EPB41L5: variants seen among roughly 807,000 people sequenced by gnomAD.
EPB41L5 encodes erythrocyte membrane protein band 4.1 like 5.
Under a neutral mutation model 106.6 loss-of-function variants are expected in EPB41L5, and 55 were observed. The ratio of observed to expected loss-of-function variants is 0.52; its 90% CI spans 0.42 to 0.65. EPB41L5 has a LOEUF of 0.65. EPB41L5 is among the 30% of genes least tolerant of loss of function. EPB41L5 has a pLI of 0.00. For missense variants in EPB41L5, 871 were observed against 882.1 expected (o/e 0.99, Z 0.16); for synonymous variants, 297 against 306.7 (o/e 0.97, Z 0.33).
intron 22 of EPB41L5, among the ~76,000 whole-genome samples, chr2:120,166,351 G>C (rs1687407323): frequency 6.6e-6 from 1 of 152,152 alleles, no homozygotes; most frequent in Admixed American, 6.5e-5. Flanking sequence ...GTGTGGAAAA[G>C]TCTGTCAAAC....
At position 120,077,101 on chromosome 2, in the gene EPB41L5, G is replaced by T. The variant is rs766306933; in HGVS notation, c.626+10G>T. 6.2e-7 allele frequency: 1 copy of T among 1,607,208 alleles called. No homozygotes were observed. The highest frequency in any genetic ancestry group is 1.1e-5 in the South Asian group (1 of 89,118). Reference sequence around the variant, plus strand: ...AATGGAAGGAATACAGGTATCTGGCGTTTGACCATACTTTCTTTAAAATCA... The same window carrying T: ...AATGGAAGGAATACAGGTATCTGGCTTTTGACCATACTTTCTTTAAAATCA... On this transcript the variant is annotated intron_variant, in intron 8 of 24. Coordinates refer to ENST00000263713, the MANE Select transcript of EPB41L5 (RefSeq NM_020909.4).
At chr2:120,100,952 A>G (rs1286951974) in intron 16 of EPB41L5, 138 bp downstream of exon 16, 2 of 624,862 alleles carry the variant, frequency 3.2e-6, no homozygotes, top group African/African-American at 1.9e-5. Flanking sequence ...TTATTATTAA[A>G]TAATCATATT....
chr2:120,161,200 A>AGTGAG (rs1687129138), intron 21 of EPB41L5, among the ~76,000 whole-genome samples: 1 of 152,118 alleles, frequency 6.6e-6, no homozygotes, highest in Non-Finnish European at 1.5e-5. Flanking sequence ...CAACATGGCA[A>AGTGAG]AACCTGTCTC....
At chr2:120,154,712 G>A (rs1686828806) in intron 20 of EPB41L5, among the ~76,000 whole-genome samples, 1 of 151,858 alleles carries the variant, frequency 6.6e-6, no homozygotes, top group African/African-American at 2.4e-5. Context: ...AGATCACGAG[G>A]TCAGGAGATC....
At chr2:120,084,632 TGTG>T (rs1235875591) in intron 10 of EPB41L5, among the ~76,000 whole-genome samples, 1 of 152,164 alleles carries the variant, frequency 6.6e-6, no homozygotes, top group Non-Finnish European at 1.5e-5. Context: ...GGAGTATCTT[TGTG>T]GTGTTCTCTG....
At chr2:120,051,676 C>G (rs1680297541) in intron 3 of EPB41L5, among the ~76,000 whole-genome samples, 1 of 152,224 alleles carries the variant, frequency 6.6e-6, no homozygotes, top group South Asian at 2.1e-4. Context: ...TGCTTTGGCT[C>G]TTGCTCAGTG....
At chr2:120,166,252 G>C (rs1376731623) in intron 22 of EPB41L5, among the ~76,000 whole-genome samples, 1 of 152,132 alleles carries the variant, frequency 6.6e-6, no homozygotes, top group African/African-American at 2.4e-5. Context: ...TTCCCAGGTG[G>C]TGCAGATGTG....
At chr2:120,116,697 T>A (rs543996595) in intron 16 of EPB41L5, among the ~76,000 whole-genome samples, 28 of 152,238 alleles carry the variant, frequency 1.8e-4, no homozygotes, top group South Asian at 8.3e-4. Context: ...TTTTTTATTT[T>A]TTTTTATTTT....
intron 16 of EPB41L5, among the ~76,000 whole-genome samples, chr2:120,121,225 T>A (rs769258811): frequency 6.6e-6 from 1 of 152,200 alleles, no homozygotes; most frequent in Non-Finnish European, 1.5e-5. Flanking sequence ...TTTATTATAC[T>A]TAAGTTCTAG....
intron 2 of EPB41L5, 108 bp from the exon 3 acceptor site, chr2:120,041,898 C>A: frequency 1.5e-6 from 1 of 687,236 alleles, no homozygotes; most frequent in Non-Finnish European, 2.4e-6. Flanking sequence ...TTTGGTATTG[C>A]AAGTCCTCCT....
At chr2:120,103,796 A>G (rs1015538410) in intron 16 of EPB41L5, among the ~76,000 whole-genome samples, 1 of 152,140 alleles carries the variant, frequency 6.6e-6, no homozygotes, top group Non-Finnish European at 1.5e-5. Context: ...GCTTTCTGAG[A>G]AATTTCTTCT....
chr2:120,158,716 A>ATAG (rs1444088811), intron 20 of EPB41L5, among the ~76,000 whole-genome samples: 1 of 152,198 alleles, frequency 6.6e-6, no homozygotes, highest in East Asian at 1.9e-4. Context: ...CCTATTCAAC[A>ATAG]TAGTATTGGA....
chr2:120,075,594 T>A (rs1682173308), intron 6 of EPB41L5, 74 bp downstream of exon 6: 2 of 1,421,336 alleles, frequency 1.4e-6, no homozygotes, highest in Admixed American at 3.5e-5. Flanking sequence ...AATAAGTTTA[T>A]AGTTGTAAAA....
chr2:120,117,908 T>C (rs935359246), intron 16 of EPB41L5, among the ~76,000 whole-genome samples: 1 of 152,192 alleles, frequency 6.6e-6, no homozygotes, highest in African/African-American at 2.4e-5. Context: ...TTTAAGAAGC[T>C]TTTTTGTGGA....
chr2:120,115,281 G>T (rs1684895986), intron 16 of EPB41L5, among the ~76,000 whole-genome samples: 1 of 152,104 alleles, frequency 6.6e-6, no homozygotes, highest in South Asian at 2.1e-4. Context: ...AAGGACTTAT[G>T]CTGTTTCATT....
At chr2:120,141,258 T>G (rs59179868) in intron 18 of EPB41L5, among the ~76,000 whole-genome samples, 9,594 of 152,190 alleles carry the variant, frequency 0.063, 403 homozygotes, top group African/African-American at 0.12. Flanking sequence ...CAGGAAACTT[T>G]AGCCCTGTCT....
chr2:120,151,861 C>A (rs1327464506), intron 20 of EPB41L5, among the ~76,000 whole-genome samples: 1 of 152,092 alleles, frequency 6.6e-6, no homozygotes. Flanking sequence ...AGGTAATCGG[C>A]CCGCCTCGGC....
intron 3 of EPB41L5, among the ~76,000 whole-genome samples, chr2:120,069,861 G>A (rs184179785): frequency 3.3e-5 from 5 of 152,302 alleles, no homozygotes; most frequent in Admixed American, 2.6e-4. Flanking sequence ...ACAGGAGAAA[G>A]CAGGAAAGAT....
chr2:120,073,426 A>C (rs1391464674), intron 4 of EPB41L5, among the ~76,000 whole-genome samples: 1 of 152,204 alleles, frequency 6.6e-6, no homozygotes, highest in Non-Finnish European at 1.5e-5. Flanking sequence ...ATTGGGGCTT[A>C]ACTTTCCAGG....
Sources: allele counts gnomAD v4.1 joint callset (sites outside exome capture counted in the v4.1 genomes callset), GRCh38; gene constraint gnomAD v4.1.1; transcripts MANE v1.5; gene names NCBI Gene and HGNC (gene_info 2026-07-23, HGNC 2026-07-21).